Variants in DYNC1H1 observed in about 807,000 individuals in gnomAD.
DYNC1H1 encodes cytoplasmic dynein 1 heavy chain 1.
DYNC1H1 carries 51 observed loss-of-function variants against 527.1 expected under a neutral mutation model. That is an observed-to-expected ratio of 0.10 (90% CI 0.08 to 0.12). The LOEUF (loss-of-function observed/expected upper bound fraction) is 0.12, where lower values mean the gene tolerates loss of function less well. Ranked by LOEUF, DYNC1H1 falls within the 10% of genes least tolerant of loss-of-function variation. The pLI is 1.00. For missense variants in DYNC1H1, 2,771 were observed against 5,971.8 expected (o/e 0.46, Z 17.66); for synonymous variants, 2,189 against 2,278.8 (o/e 0.96, Z 1.12).
intron 72 of DYNC1H1, among the ~76,000 whole-genome samples, chr14:102,045,618 A>T (rs1466991799): frequency 6.6e-6 from 1 of 152,150 alleles, no homozygotes; most frequent in Non-Finnish European, 1.5e-5. Context: ...CTCAAAAAAG[A>T]AAAAAGAAAA....
In DYNC1H1 at chr14:102,050,117, G is replaced by T. The variant is rs758277590; in HGVS notation, c.13731G>T (p.Leu4577=). The change falls in exon 77 of 78, where the codon CTG becomes CTT. Residue 4577 remains leucine, a synonymous_variant. Transcript: ENST00000360184. ...GATCNNNKLS[L]SNAISTALPL... ...CGTGCAACAACAACAAGCTGTCACTGTCCAATGCCATCTCAACCGCCCTTC... is the reference window on the plus strand; with the variant it reads ...CGTGCAACAACAACAAGCTGTCACTTTCCAATGCCATCTCAACCGCCCTTC... 3.7e-6 allele frequency: 6 copies of T among 1,614,040 alleles called. No individual in the cohort carries two copies. The highest frequency in any genetic ancestry group is 4.2e-6 in the Non-Finnish European group (5 of 1,180,032).
At chr14:101,969,036 G>C (rs551139773) in intron 1 of DYNC1H1, among the ~76,000 whole-genome samples, 37 of 148,212 alleles carry the variant, frequency 2.5e-4, no homozygotes, top group African/African-American at 9.0e-4. Context: ...CTTTTTTTTT[G>C]AGACAGAGTC....
At chr14:102,046,167 CAAAA>C (rs749507372) in intron 72 of DYNC1H1, among the ~76,000 whole-genome samples, 1 of 119,576 alleles carries the variant, frequency 8.4e-6, no homozygotes, top group Non-Finnish European at 1.8e-5. Context: ...GACTTTGTCT[CAAAA>C]AAAAAAAAAA....
chr14:102,015,719 A>C lies in DYNC1H1; in HGVS notation c.7243-137A>C. 1.0e-6 allele frequency: 1 copy of C among 975,742 alleles called. No individual in the cohort carries two copies. Among genetic ancestry groups the C allele is most frequent in the East Asian group, 2.6e-5 (1 of 38,200 alleles). 60.4% of individuals were successfully genotyped at this position (975,742 alleles called of 1,614,324 possible). Reference sequence around the variant, plus strand: ...TTTTGAGAACCACCAGGGTGAAGGAATGAGGACTGGTCATTGAAGCTTCAT... The same window carrying C: ...TTTTGAGAACCACCAGGGTGAAGGACTGAGGACTGGTCATTGAAGCTTCAT... On this transcript the variant is annotated intron_variant, in intron 35 of 77. Transcript: ENST00000360184. The surrounding 1 kb of genome is among the most constrained non-coding windows in gnomAD (Gnocchi z 6.9).
chr14:102,017,618 G>C lies in DYNC1H1; in HGVS notation c.8177+114G>C. ...AATAAAGACAACAATACTGCTTATT[G>C]TGGATTCCTCTTGGGTTACTTCTCT... On this transcript the variant is annotated intron_variant, in intron 40 of 77. Transcript: ENST00000360184. The surrounding 1 kb of genome is among the most constrained non-coding windows in gnomAD (Gnocchi z 4.6). The C allele has an allele frequency of 2.6e-6, 4 of 1,565,308 alleles. No homozygotes were observed. The highest frequency in any genetic ancestry group is 3.5e-6 in the Non-Finnish European group (4 of 1,140,532).
Position 102,011,073 on chromosome 14 carries a change from T to C in DYNC1H1, c.6618+121T>C, listed in dbSNP as rs911215341. 2.2e-5 allele frequency: 24 copies of C among 1,077,220 alleles called. No homozygotes were observed. The highest frequency in any genetic ancestry group is 2.8e-4 in the Middle Eastern group (1 of 3,618). 66.7% of individuals were successfully genotyped at this position (1,077,220 alleles called of 1,614,324 possible). A position where few individuals can be genotyped will look rare whatever the true frequency, so the allele number is the denominator to read the frequency against. ...ACAAAGGCTGTGGAGGTGCATAATA[T>C]GCTTTATGAAGATTTGCCCAAGGCC... On this transcript the variant is annotated intron_variant, in intron 32 of 77. Coordinates refer to ENST00000360184, the MANE Select transcript of DYNC1H1 (RefSeq NM_001376.5). The surrounding 1 kb of genome is among the most constrained non-coding windows in gnomAD (Gnocchi z 5.3).
intron 72 of DYNC1H1, among the ~76,000 whole-genome samples, chr14:102,047,040 C>A (rs2048728846): frequency 6.6e-6 from 1 of 152,134 alleles, no homozygotes; most frequent in African/African-American, 2.4e-5. Flanking sequence ...AGAGATGCTC[C>A]CGCTTCCGCC....
At position 102,044,056 on chromosome 14, in the gene DYNC1H1, G is replaced by A. The variant is rs983796995; in HGVS notation, c.12684+11G>A. The A allele has an allele frequency of 4.3e-6, 7 of 1,613,110 alleles. No homozygotes were observed. In the East Asian group the frequency reaches 1.3e-4, roughly 31 times the overall value. ...GATGACACGGCCAAGGCAAGTGTGGGCCATGCCAGGACAGACAGTGGACGT... is the reference window on the plus strand; with the variant it reads ...GATGACACGGCCAAGGCAAGTGTGGACCATGCCAGGACAGACAGTGGACGT... On this transcript the variant is annotated intron_variant, in intron 70 of 77. Transcript: ENST00000360184. This position sits in a 1 kb window ranked among gnomAD's most constrained non-coding sequence, Gnocchi z 7.1.
chr14:102,006,029 A>T lies in DYNC1H1; in HGVS notation c.5575A>T (p.Ile1859Phe). Residue 1859 changes from isoleucine (I) to phenylalanine (F), a missense_variant, in exon 27 of 78, where the codon ATT (isoleucine) becomes TTT (phenylalanine). Ile to Phe is a conservative substitution (Grantham distance 21). Coordinates refer to ENST00000360184, the MANE Select transcript of DYNC1H1 (RefSeq NM_001376.5). ...KQTDVLQQLS[I>F]QMANAKFNYG... Reference sequence around the variant, plus strand: ...AACTGATGTGTTACAGCAGTTGTCAATTCAAATGGCAAATGCCAAATTTAA... The same window carrying T: ...AACTGATGTGTTACAGCAGTTGTCATTTCAAATGGCAAATGCCAAATTTAA... The T allele has an allele frequency of 6.2e-7, 1 of 1,614,226 alleles. No individual in the cohort carries two copies. The highest frequency in any genetic ancestry group is 8.5e-7 in the Non-Finnish European group (1 of 1,180,026).
Position 101,965,082 on chromosome 14 carries a change from G to A in DYNC1H1, c.256+135G>A. On this transcript the variant is annotated intron_variant, in intron 1 of 77. Transcript: ENST00000360184. This position sits in a 1 kb window ranked among gnomAD's most constrained non-coding sequence, Gnocchi z 4.1. The stretch of plus-strand genomic sequence containing the variant: ...TGCAGATGACCCCTGGATGGGCAGA[G>A]CCCGGCGGCCGCAGACGTCCCGCCG... The A allele has an allele frequency of 3.1e-6, 3 of 973,118 alleles. No individual in the cohort carries two copies. The highest frequency in any genetic ancestry group is 4.3e-6 in the Non-Finnish European group (3 of 705,088). The allele number at this position is 973,118 out of a possible 1,614,324, so 60.3% of individuals were successfully genotyped here.
intron 48 of DYNC1H1, chr14:102,028,345 C>G (rs2048473625): frequency 1.8e-6 from 1 of 547,346 alleles, no homozygotes; most frequent in Non-Finnish European, 3.2e-6. Flanking sequence ...GACCCCATCT[C>G]TACAAAAAAT....
At chr14:101,988,937 AG>A in intron 10 of DYNC1H1, 85 bp downstream of exon 10, 1 of 1,563,426 alleles carries the variant, frequency 6.4e-7, no homozygotes, top group Non-Finnish European at 8.7e-7. Context: ...AAGGTCACTT[AG>A]TGTGGACACC....
rs1426071713 is a variant in DYNC1H1, at chr14:102,041,884, G to T, written c.12103-129G>T. ...CGCTGCAGATTCTCAACTCCTGGCT[G>T]CATGGTGCCCACACCTCTGGGCCCA... On this transcript the variant is annotated intron_variant, in intron 65 of 77. Transcript: ENST00000360184. The surrounding 1 kb of genome is among the most constrained non-coding windows in gnomAD (Gnocchi z 4.5). The T allele has an allele frequency of 6.0e-6, 9 of 1,496,220 alleles. No individual in the cohort carries two copies. The highest frequency in any genetic ancestry group is 8.3e-6 in the Non-Finnish European group (9 of 1,090,848). The allele number at this position is 1,496,220 out of a possible 1,614,324, so 92.7% of individuals were successfully genotyped here.
chr14:102,041,986 A>C lies in DYNC1H1; in HGVS notation c.12103-27A>C. The C allele has an allele frequency of 3.7e-6, 6 of 1,610,568 alleles. No homozygotes were observed. The highest frequency in any genetic ancestry group is 5.1e-6 in the Non-Finnish European group (6 of 1,176,796). On this transcript the variant is annotated intron_variant, in intron 65 of 77. Transcript: ENST00000360184. The surrounding 1 kb of genome is among the most constrained non-coding windows in gnomAD (Gnocchi z 4.5). Reference sequence around the variant, plus strand: ...GGTACACACTATTTGCTGGCACTGTAATAACTTCTGCCTTCTTTGTTTGCA... The same window carrying C: ...GGTACACACTATTTGCTGGCACTGTCATAACTTCTGCCTTCTTTGTTTGCA...
Position 101,980,082 on chromosome 14 carries a change from T to C in DYNC1H1, c.774+108T>C, listed in dbSNP as rs930233334. 3.9e-6 allele frequency: 6 copies of C among 1,524,776 alleles called. No homozygotes were observed. In the African/African-American group the frequency reaches 6.9e-5, roughly 17 times the overall value. The allele number at this position is 1,524,776 out of a possible 1,614,324, so 94.5% of individuals were successfully genotyped here. On this transcript the variant is annotated intron_variant, in intron 4 of 77. Transcript: ENST00000360184. ...GGTAAATTATGTGATAACTTGTTAGTGGTGCCGCCTCTTGGTCCTGGGACT... is the reference window on the plus strand; with the variant it reads ...GGTAAATTATGTGATAACTTGTTAGCGGTGCCGCCTCTTGGTCCTGGGACT...
Position 102,002,793 on chromosome 14 carries a change from A to G in DYNC1H1, c.4711A>G (p.Ile1571Val), listed in dbSNP as rs753285530. The G allele has an allele frequency of 1.2e-6, 2 of 1,614,254 alleles. No homozygotes were observed. Among genetic ancestry groups the G allele is most frequent in the Non-Finnish European group, 1.7e-6 (2 of 1,180,038 alleles). ...LPVETQRFQS[I>V]STEFLALMKK... ...CGCATGTTTTAATTTCATTTGTAGC[A>G]TCAGCACTGAGTTTTTGGCTCTAAT... The change falls in exon 23 of 78, where the codon ATC (isoleucine) becomes GTC (valine). Residue 1571 changes from isoleucine to valine, a missense_variant and splice_region_variant. This residue lies in a region of DYNC1H1 where 51 missense variants were observed against 189.2 expected (regional missense o/e 0.27). Coordinates refer to ENST00000360184, the MANE Select transcript of DYNC1H1 (RefSeq NM_001376.5). This position sits in a 1 kb window ranked among gnomAD's most constrained non-coding sequence, Gnocchi z 4.4.
In DYNC1H1 at chr14:102,044,751, ACGCGGGGTGGGTGGCGAGG is replaced by A; in HGVS notation, c.13006+54_13006+72del. 1 of 1,372,638 alleles carries A rather than the reference ACGCGGGGTGGGTGGCGAGG, an allele frequency of 7.3e-7. No individual in the cohort carries two copies. The highest frequency in any genetic ancestry group is 1.0e-6 in the Non-Finnish European group (1 of 998,476). The allele number at this position is 1,372,638 out of a possible 1,614,324, so 85.0% of individuals were successfully genotyped here. A position where few individuals can be genotyped will look rare whatever the true frequency, so the allele number is the denominator to read the frequency against. On this transcript the variant is annotated intron_variant, in intron 72 of 77. Transcript: ENST00000360184. The surrounding 1 kb of genome is among the most constrained non-coding windows in gnomAD (Gnocchi z 7.1). The stretch of plus-strand genomic sequence containing the variant: ...CAGGGTGGGTGGCGAGGGTCCCCTC[ACGCGGGGTGGGTGGCGAGG>A]GTCCCCACACGCAGGGTGAGTGTGC...
chr14:102,050,431 G>T lies in DYNC1H1; in HGVS notation c.13813-4G>T. On this transcript the variant is annotated splice_polypyrimidine_tract_variant and splice_region_variant and intron_variant, in intron 77 of 77. Coordinates refer to ENST00000360184, the MANE Select transcript of DYNC1H1 (RefSeq NM_001376.5). ...GCCACCAGTAAACCCCTCTGCTTCT[G>T]CAGGTAACCTTACCTGTCTACCTGA... is the stretch of plus-strand genomic sequence containing the variant. 6.2e-7 allele frequency: 1 copy of T among 1,614,180 alleles called. No homozygotes were observed. Among genetic ancestry groups the T allele is most frequent in the Non-Finnish European group, 8.5e-7 (1 of 1,180,026 alleles).
At chr14:102,045,950 A>T (rs1182682844) in intron 72 of DYNC1H1, among the ~76,000 whole-genome samples, 1 of 152,068 alleles carries the variant, frequency 6.6e-6, no homozygotes, top group East Asian at 1.9e-4. Flanking sequence ...GCGGATCACA[A>T]GGTCAGGAGA....
Sources: gnomAD v4.1 joint callset for allele counts (sites outside exome capture counted in the v4.1 genomes callset) on GRCh38, gnomAD v4.1.1 for gene constraint, gnomAD v4.1.1 regional missense constraint, Gnocchi (gnomAD v3.1) non-coding constraint, MANE v1.5 for transcripts, NCBI Gene and HGNC (gene_info 2026-07-23, HGNC 2026-07-21) for gene names.